The following PTPRQ variants were observed in gnomAD, a reference collection of about 807,000 sequenced individuals.
PTPRQ encodes phosphatidylinositol phosphatase PTPRQ.
PTPRQ carries 199 observed loss-of-function variants against 246.0 expected under a neutral mutation model. That is an observed-to-expected ratio of 0.81 (90% confidence interval 0.72 to 0.91). The LOEUF is 0.91. PTPRQ is among the 40% of genes least tolerant of loss of function. PTPRQ has a pLI of 0.00. For missense variants in PTPRQ, 2,624 were observed against 2,528.4 expected (o/e 1.04, Z -0.81); for synonymous variants, 869 against 853.2 (o/e 1.02, Z -0.32).
chr12:80,634,772 G>A, intron 34 of PTPRQ, 173 bp from the exon 35 acceptor site: 1 of 916,654 alleles, frequency 1.1e-6, no homozygotes, highest in East Asian at 3.1e-5. Flanking sequence ...AGGTTCTATG[G>A]AATTAAAACA....
Position 80,678,754 on chromosome 12 carries a change from C to T in PTPRQ, c.6862+29C>T, listed in dbSNP as rs1050210147. Reference sequence around the variant, plus strand: ...AACAGAAACAACAGTATATGCCCAGCTTACTAGTTTACCACCTACGGTAAG... The same window carrying T: ...AACAGAAACAACAGTATATGCCCAGTTTACTAGTTTACCACCTACGGTAAG... On this transcript the variant is annotated intron_variant, in intron 44 of 44. Coordinates refer to ENST00000644991, the MANE Select transcript of PTPRQ (RefSeq NM_001145026.2). 6 of 1,525,908 alleles carry T rather than the reference C, an allele frequency of 3.9e-6. No homozygotes were observed. The African/African-American group carries it at 7.0e-5, about 18-fold the overall frequency. 94.5% of individuals were successfully genotyped at this position (1,525,908 alleles called of 1,614,324 possible). A position where few individuals can be genotyped will look rare whatever the true frequency, so the allele number is the denominator to read the frequency against.
At chr12:80,561,784 T>G (rs1173996930) in intron 25 of PTPRQ, among the ~76,000 whole-genome samples, 1 of 152,194 alleles carries the variant, frequency 6.6e-6, no homozygotes, top group Non-Finnish European at 1.5e-5. Flanking sequence ...TTGTTTTTTC[T>G]GTCTTACTGC....
intron 17 of PTPRQ, among the ~76,000 whole-genome samples, chr12:80,529,185 T>C (rs1195147614): frequency 6.6e-6 from 1 of 152,126 alleles, no homozygotes; most frequent in African/African-American, 2.4e-5. Flanking sequence ...TTTCCTTATA[T>C]AATGGGAAAA....
intron 26 of PTPRQ, among the ~76,000 whole-genome samples, chr12:80,596,471 A>C (rs547830241): frequency 6.6e-6 from 1 of 152,138 alleles, no homozygotes; most frequent in African/African-American, 2.4e-5. Flanking sequence ...TCATAAAGGA[A>C]AAAGGGGAGG....
At chr12:80,454,603 T>C in intron 3 of PTPRQ, 1 of 700,420 alleles carries the variant, frequency 1.4e-6, no homozygotes. Flanking sequence ...TGGCTGTGGT[T>C]TGTCATATAT....
chr12:80,577,515 T>G (rs1836539381), intron 25 of PTPRQ, among the ~76,000 whole-genome samples: 2 of 152,146 alleles, frequency 1.3e-5, no homozygotes, highest in Admixed American at 6.5e-5. Flanking sequence ...AAGATGAGAT[T>G]TGGGTGGGGA....
At chr12:80,611,674 TTTACTAAATCTCTAAGAGTAG>T (rs1412206628) in intron 28 of PTPRQ, among the ~76,000 whole-genome samples, 2 of 150,388 alleles carry the variant, frequency 1.3e-5, no homozygotes, top group Non-Finnish European at 3.0e-5. Context: ...TTAATACATT[TTTACTAAATCTCTAAGAGTAG>T]AATTTTATGT....
Position 80,535,012 on chromosome 12 carries a change from G to A in PTPRQ, c.2960G>A (p.Arg987Lys). 10 of 1,531,846 alleles carry A rather than the reference G, an allele frequency of 6.5e-6. No individual in the cohort carries two copies. The highest frequency in any genetic ancestry group is 8.8e-6 in the Non-Finnish European group (10 of 1,140,868). The allele number at this position is 1,531,846 out of a possible 1,614,324, so 94.9% of individuals were successfully genotyped here. Reference protein sequence around the residue: ...GIIQYYSVYYRNTSGTFMQNF... With the variant: ...GIIQYYSVYYKNTSGTFMQNF... Reference sequence around the variant, plus strand: ...ATACAATATTACTCTGTTTATTACAGAAATACTTCAGGTACTTTTATGCAG... The same window carrying A: ...ATACAATATTACTCTGTTTATTACAAAAATACTTCAGGTACTTTTATGCAG... The change falls in exon 19 of 45, where the codon AGA becomes AAA. Residue 987 changes from arginine to lysine, a missense_variant. Transcript: ENST00000644991.
intron 18 of PTPRQ, 126 bp from the exon 19 acceptor site, chr12:80,534,764 CTA>C: frequency 8.4e-7 from 1 of 1,187,082 alleles, no homozygotes; most frequent in Non-Finnish European, 1.1e-6. Context: ...TCTGACATTT[CTA>C]ATTCAAGCTT....
chr12:80,563,252 A>G (rs1306916112), intron 25 of PTPRQ, among the ~76,000 whole-genome samples: 1 of 152,094 alleles, frequency 6.6e-6, no homozygotes, highest in Non-Finnish European at 1.5e-5. Context: ...GTGCTTGGTG[A>G]GGGCCCATTT....
rs1894913740 is a variant in PTPRQ, at chr12:80,505,100, A to G, written c.2273-924A>G. Reference sequence around the variant, plus strand: ...TCTGCAGGGATATCACTCATCTTTCAGCGGGCCCCAGGGTTTTATAGTCTT... The same window carrying G: ...TCTGCAGGGATATCACTCATCTTTCGGCGGGCCCCAGGGTTTTATAGTCTT... On this transcript the variant is annotated intron_variant, in intron 14 of 44. Coordinates refer to ENST00000644991, the MANE Select transcript of PTPRQ (RefSeq NM_001145026.2). 2.0e-5 allele frequency among the ~76,000 whole-genome samples: 3 copies of G among 151,824 alleles called. No individual in the cohort carries two copies. The South Asian group carries it at 6.2e-4, about 31-fold the overall frequency.
At chr12:80,649,069 T>G (rs888862495) in intron 36 of PTPRQ, 146 bp downstream of exon 36, 2 of 732,320 alleles carry the variant, frequency 2.7e-6, no homozygotes, top group Non-Finnish European at 4.0e-6. Context: ...GCATGACTAA[T>G]TGCATGGTAA....
At chr12:80,619,084 A>G (rs1898875990) in intron 30 of PTPRQ, among the ~76,000 whole-genome samples, 1 of 151,548 alleles carries the variant, frequency 6.6e-6, no homozygotes, top group South Asian at 2.1e-4. Flanking sequence ...ATGCATTTAT[A>G]AAAAATATAT....
intron 33 of PTPRQ, among the ~76,000 whole-genome samples, chr12:80,622,870 G>C (rs537507890): frequency 6.6e-6 from 1 of 151,934 alleles, no homozygotes; most frequent in African/African-American, 2.4e-5. Context: ...ATATTTTATA[G>C]TTAGTAAATT....
At chr12:80,569,287 G>A (rs1897072548) in intron 25 of PTPRQ, among the ~76,000 whole-genome samples, 1 of 149,718 alleles carries the variant, frequency 6.7e-6, no homozygotes, top group African/African-American at 2.5e-5. Context: ...CAAAGGACGT[G>A]AACTCATCAT....
chr12:80,513,621 C>A (rs1375007247), intron 17 of PTPRQ, among the ~76,000 whole-genome samples: 1 of 152,012 alleles, frequency 6.6e-6, no homozygotes, highest in Non-Finnish European at 1.5e-5. Context: ...CAAACAAGCC[C>A]GGGTGTGGGG....
At chr12:80,564,562 G>A (rs1896924553) in intron 25 of PTPRQ, among the ~76,000 whole-genome samples, 1 of 152,148 alleles carries the variant, frequency 6.6e-6, no homozygotes, top group Non-Finnish European at 1.5e-5. Context: ...AAGTGCTGTG[G>A]TAGAAAGTAT....
intron 25 of PTPRQ, among the ~76,000 whole-genome samples, chr12:80,575,546 C>T (rs1897257757): frequency 6.6e-6 from 1 of 152,102 alleles, no homozygotes; most frequent in African/African-American, 2.4e-5. Context: ...GGTACCACTG[C>T]ACTCCAGCCT....
chr12:80,526,856 A>G (rs1375842868), intron 17 of PTPRQ, among the ~76,000 whole-genome samples: 7 of 152,102 alleles, frequency 4.6e-5, no homozygotes, highest in Admixed American at 4.6e-4. Flanking sequence ...TGGTGATCAG[A>G]TATTTGAAAC....
Sources: allele counts gnomAD v4.1 joint callset (sites outside exome capture counted in the v4.1 genomes callset), GRCh38; gene constraint gnomAD v4.1.1; transcripts MANE v1.5; gene names NCBI Gene and HGNC (gene_info 2026-07-23, HGNC 2026-07-21).